COLEC10: variants seen among roughly 807,000 people sequenced by gnomAD.
The protein encoded by COLEC10 is collectin-10.
Under a neutral mutation model 28.4 loss-of-function variants are expected in COLEC10, and 22 were observed. That is an observed-to-expected ratio of 0.78 (90% CI 0.55 to 1.11). COLEC10 has a LOEUF of 1.11. Among genes scored for constraint, COLEC10 ranks in the 50% least tolerant of loss-of-function variants. COLEC10 has a pLI of 0.00. For synonymous variants in COLEC10, 125 were observed against 116.1 expected, an observed-to-expected ratio of 1.08 and a Z score of -0.49; for missense variants, 361 against 344.1, an observed-to-expected ratio of 1.05 and a Z score of -0.39.
In COLEC10 at chr8:119,009,965, G is replaced by C. The variant is rs192526054; in HGVS notation, n.235+412G>C. Among the ~76,000 whole-genome samples, 40 of 150,646 alleles carry C rather than the reference G, an allele frequency of 2.7e-4. 2 individuals carry two copies. Among genetic ancestry groups the C allele is most frequent in the African/African-American group, 9.9e-4 (40 of 40,230 alleles). ...CCACATCCCATGCACAGTCTCTCCC[G>C]CTATCAAAAAGAGTGGTGCATTTGC... On this transcript the variant is annotated intron_variant and non_coding_transcript_variant, in intron 2 of 6. Coordinates refer to the COLEC10 transcript ENST00000521788.
At position 119,079,042 on chromosome 8, in the gene COLEC10, CA is replaced by C. The variant is rs1224708426; in HGVS notation, c.149-10637del. On this transcript the variant is annotated intron_variant, in intron 1 of 5. Transcript: ENST00000332843. ...ACACACACACACACACACACACACACACCAACCAGGATGTTGCAAATCTGCA... is the reference window on the plus strand; with the variant it reads ...ACACACACACACACACACACACACACCCAACCAGGATGTTGCAAATCTGCA... Among the ~76,000 whole-genome samples, 246 of 134,342 alleles carry C rather than the reference CA, an allele frequency of 1.8e-3. 3 individuals are homozygous for C. The highest frequency in any genetic ancestry group is 5.3e-4 in the Non-Finnish European group (33 of 62,706). The allele number at this position is 134,342 out of a possible 152,430, so 88.1% of individuals were successfully genotyped here.
intron 1 of COLEC10, among the ~76,000 whole-genome samples, chr8:119,006,143 T>A (rs1813791572): frequency 6.6e-6 from 1 of 152,118 alleles, no homozygotes; most frequent in South Asian, 2.1e-4. Flanking sequence ...GGTATTTATA[T>A]TTCTGGCTTC....
At chr8:119,102,237 T>A in intron 3 of COLEC10, 111 bp from the exon 4 acceptor site, 2 of 252,834 alleles carry the variant, frequency 7.9e-6, no homozygotes, top group South Asian at 4.0e-5. Flanking sequence ...CCTCCCTCCC[T>A]CCCTCCTTCC....
chr8:119,070,586 T>TCTCTCTCC (rs1175318307), intron 1 of COLEC10, among the ~76,000 whole-genome samples: 10 of 133,068 alleles, frequency 7.5e-5, no homozygotes, highest in Middle Eastern at 3.3e-3. Flanking sequence ...CCCTTCTCTC[T>TCTCTCTCC]CTCTCTCCCT....
chr8:119,010,301 T>C (rs1374339505), intron 2 of COLEC10, among the ~76,000 whole-genome samples: 1 of 150,872 alleles, frequency 6.6e-6, no homozygotes, highest in Non-Finnish European at 1.5e-5. Flanking sequence ...TTTTCAGTAA[T>C]ATGCATTTTA....
the COLEC10 span, among the ~76,000 whole-genome samples, chr8:118,966,260 C>A: frequency 6.6e-6 from 1 of 152,044 alleles, no homozygotes; most frequent in South Asian, 2.1e-4. Context: ...AAAGAGGATA[C>A]CACATTAGTT....
At chr8:119,042,814 A>G (rs1814522661) in intron 2 of COLEC10, among the ~76,000 whole-genome samples, 1 of 152,218 alleles carries the variant, frequency 6.6e-6, no homozygotes, top group Non-Finnish European at 1.5e-5. Context: ...GAGATTATGT[A>G]TATAAAAATC....
chr8:119,026,134 C>CTATCCTGT (rs1454989511), intron 2 of COLEC10, among the ~76,000 whole-genome samples: 1 of 152,156 alleles, frequency 6.6e-6, no homozygotes, highest in African/African-American at 2.4e-5. Flanking sequence ...TATTGAATGA[C>CTATCCTGT]TATCCTGTAT....
intron 2 of COLEC10, among the ~76,000 whole-genome samples, chr8:119,017,778 T>C (rs79046936): frequency 0.044 from 6,692 of 152,274 alleles, 216 homozygotes; most frequent in East Asian, 0.16. Context: ...GGTAACCTAA[T>C]TGTTCAGCAT....
In COLEC10 at chr8:118,995,765, A is replaced by C. The variant is rs139908117; in HGVS notation, n.122+192A>C. On this transcript the variant is annotated intron_variant and non_coding_transcript_variant, in intron 1 of 6. Coordinates refer to the COLEC10 transcript ENST00000521788. ...AATTTTCATATTGCTATGTAATGCT[A>C]TAGCAAGAAGGAATATTTAAGAATC... 7.1e-3 allele frequency among the ~76,000 whole-genome samples: 1,080 copies of C among 152,320 alleles called. 10 individuals are homozygous for C. Among genetic ancestry groups the C allele is most frequent in the Non-Finnish European group, 9.6e-3 (651 of 68,024 alleles).
At chr8:119,104,326 A>G (rs899274035) in intron 5 of COLEC10, among the ~76,000 whole-genome samples, 1 of 152,184 alleles carries the variant, frequency 6.6e-6, no homozygotes, top group South Asian at 2.1e-4. Flanking sequence ...TTTATGTAGT[A>G]TGTAGTTACT....
intron 3 of COLEC10, among the ~76,000 whole-genome samples, chr8:119,092,379 T>G (rs1815625411): frequency 6.6e-6 from 1 of 152,086 alleles, no homozygotes; most frequent in Non-Finnish European, 1.5e-5. Flanking sequence ...GCCCTGATCT[T>G]ATACATCATT....
At chr8:118,978,713 T>C in the COLEC10 span, among the ~76,000 whole-genome samples, 1 of 152,058 alleles carries the variant, frequency 6.6e-6, no homozygotes, top group Admixed American at 6.6e-5. Context: ...GCAAAAGGTA[T>C]GTATTTGCAT....
At chr8:119,047,106 T>A (rs1017842712) in intron 2 of COLEC10, among the ~76,000 whole-genome samples, 2 of 152,194 alleles carry the variant, frequency 1.3e-5, no homozygotes, top group Non-Finnish European at 2.9e-5. Context: ...AAAAATGTAT[T>A]TTTTGGAATA....
At chr8:119,036,256 C>A (rs1037753575) in intron 2 of COLEC10, among the ~76,000 whole-genome samples, 4 of 152,110 alleles carry the variant, frequency 2.6e-5, no homozygotes, top group Admixed American at 6.5e-5. Context: ...TATATTATTT[C>A]TTTTACACAA....
At chr8:119,033,540 A>G (rs1814331253) in intron 2 of COLEC10, among the ~76,000 whole-genome samples, 1 of 152,198 alleles carries the variant, frequency 6.6e-6, no homozygotes, top group Non-Finnish European at 1.5e-5. Context: ...AAACTTAAAC[A>G]AATTTACAAG....
At chr8:119,036,088 G>T (rs551159740) in intron 2 of COLEC10, among the ~76,000 whole-genome samples, 1 of 151,966 alleles carries the variant, frequency 6.6e-6, no homozygotes, top group Admixed American at 6.6e-5. Flanking sequence ...CAAGCACACG[G>T]TTTTAAAAAA....
chr8:118,994,605 G>A (rs73709520), upstream of COLEC10, among the ~76,000 whole-genome samples: 2,673 of 152,170 alleles, frequency 0.018, 68 homozygotes, highest in African/African-American at 0.061. Flanking sequence ...CCAAGGTAGA[G>A]CCAGTGAGAG....
chr8:119,010,679 C>A (rs1228526515), intron 2 of COLEC10, among the ~76,000 whole-genome samples: 1 of 151,076 alleles, frequency 6.6e-6, no homozygotes, highest in African/African-American at 2.5e-5. Context: ...TGCCAGTGTT[C>A]TGGATTTCAT....
Sources: gnomAD v4.1 joint callset for allele counts (sites outside exome capture counted in the v4.1 genomes callset) on GRCh38, gnomAD v4.1.1 for gene constraint, MANE v1.5 for transcripts, NCBI Gene and HGNC (gene_info 2026-07-23, HGNC 2026-07-21) for gene names.